The following SGCD variants were observed in gnomAD, a reference collection of about 807,000 sequenced individuals.
SGCD encodes sarcoglycan delta, also known as delta-sarcoglycan.
A neutral mutation model predicts 36.6 loss-of-function variants in SGCD; 18 were observed. The ratio of observed to expected loss-of-function variants is 0.49; its 90% confidence interval spans 0.34 to 0.73. The LOEUF is 0.73. Among genes scored for constraint, SGCD ranks in the 30% least tolerant of loss-of-function variants. The pLI is 0.01. For synonymous variants in SGCD, 133 were observed against 130.6 expected, an observed-to-expected ratio of 1.02 and a Z score of -0.12; for missense variants, 387 against 346.7, an observed-to-expected ratio of 1.12 and a Z score of -0.92.
At chr5:156,228,421 T>C (rs1199763300) in intron 3 of SGCD, among the ~76,000 whole-genome samples, 2 of 152,198 alleles carry the variant, frequency 1.3e-5, no homozygotes, top group Non-Finnish European at 2.9e-5. Flanking sequence ...AAACTGCTAT[T>C]GATTTAAAGT....
At chr5:155,923,184 A>G (rs1756923607) in intron 1 of SGCD, among the ~76,000 whole-genome samples, 1 of 152,186 alleles carries the variant, frequency 6.6e-6, no homozygotes, top group South Asian at 2.1e-4. Flanking sequence ...CAGGTTTTGA[A>G]CTTCTAGCCT....
At chr5:156,313,506 T>C (rs1165077172) in intron 3 of SGCD, among the ~76,000 whole-genome samples, 1 of 152,090 alleles carries the variant, frequency 6.6e-6, no homozygotes, top group East Asian at 1.9e-4. Flanking sequence ...GCTATGGTTA[T>C]ATGTAAATAT....
At chr5:156,509,008 T>A (rs1756824406) in intron 4 of SGCD, among the ~76,000 whole-genome samples, 1 of 152,208 alleles carries the variant, frequency 6.6e-6, no homozygotes, top group Non-Finnish European at 1.5e-5. Context: ...TGAATGCAGA[T>A]AATATTGCTG....
At position 156,595,181 on chromosome 5, in the gene SGCD, T is replaced by C. The variant is rs900518308; in HGVS notation, c.502+130T>C. 4.5e-6 allele frequency: 5 copies of C among 1,109,340 alleles called. No individual in the cohort carries two copies. The Admixed American group carries it at 1.3e-4, about 30-fold the overall frequency. The allele number at this position is 1,109,340 out of a possible 1,614,324, so 68.7% of individuals were successfully genotyped here. A position where few individuals can be genotyped will look rare whatever the true frequency, so the allele number is the denominator to read the frequency against. On this transcript the variant is annotated intron_variant, in intron 6 of 8. Transcript: ENST00000337851. ...ATCGAAATCCTAACTCCCAAGATAA[T>C]GGTATTAGGAGGTGGAGCCTTGAGG...
intron 3 of SGCD, among the ~76,000 whole-genome samples, chr5:156,279,621 G>A (rs1191131265): frequency 1.3e-5 from 2 of 152,064 alleles, no homozygotes; most frequent in Non-Finnish European, 1.5e-5. Context: ...CTCTTTTTTG[G>A]GGGAACAGTG....
intron 3 of SGCD, among the ~76,000 whole-genome samples, chr5:156,170,307 C>T (rs761324168): frequency 9.2e-5 from 14 of 152,018 alleles, no homozygotes; most frequent in Middle Eastern, 3.4e-3. Flanking sequence ...GTGTTGGGAG[C>T]CAGAAAAGGA....
intron 3 of SGCD, among the ~76,000 whole-genome samples, chr5:156,465,502 G>A (rs80038221): frequency 6.6e-5 from 10 of 152,200 alleles, no homozygotes; most frequent in East Asian, 1.9e-4. Flanking sequence ...AGACATCTCC[G>A]TAAGTACAAA....
At chr5:156,713,410 C>CG (rs879815469) in intron 7 of SGCD, among the ~76,000 whole-genome samples, 3,048 of 144,366 alleles carry the variant, frequency 0.021, 45 homozygotes, top group African/African-American at 0.049. Flanking sequence ...TTGAACATGT[C>CG]GGGGGGGGCG....
chr5:156,646,125 T>TG (rs752873000), intron 6 of SGCD, among the ~76,000 whole-genome samples: 44 of 152,164 alleles, frequency 2.9e-4, no homozygotes, highest in Non-Finnish European at 4.9e-4. Context: ...GTGGAACATA[T>TG]GGACCCCCAC....
intron 7 of SGCD, among the ~76,000 whole-genome samples, chr5:156,665,475 ATCT>A (rs1288265122): frequency 3.0e-4 from 46 of 152,020 alleles, no homozygotes; most frequent in African/African-American, 1.0e-3. Context: ...CTGAAATGCT[ATCT>A]TCTTCTGTTT....
At chr5:156,085,076 A>G (rs1056605611) in intron 1 of SGCD, among the ~76,000 whole-genome samples, 82 of 150,860 alleles carry the variant, frequency 5.4e-4, no homozygotes, top group African/African-American at 1.9e-3. Context: ...TTCTTTTTAC[A>G]TATTGTTGGA....
At chr5:156,620,425 C>T (rs116815336) in intron 6 of SGCD, among the ~76,000 whole-genome samples, 2,523 of 152,084 alleles carry the variant, frequency 0.017, 70 homozygotes, top group African/African-American at 0.057. Flanking sequence ...AAGCACATAC[C>T]CAGTGAAATA....
Position 156,060,646 on chromosome 5 carries a change from G to A in SGCD, c.-281-57232G>A, listed in dbSNP as rs563929309. 4.1e-5 allele frequency among the ~76,000 whole-genome samples: 6 copies of A among 145,918 alleles called. 1 individual carries two copies. The highest frequency in any genetic ancestry group is 7.1e-3 in the Middle Eastern group (2 of 280). On this transcript the variant is annotated intron_variant, in intron 1 of 9. Transcript: ENST00000517913. The stretch of plus-strand genomic sequence containing the variant: ...TATGTTGTTTTGTTGCATAGAAATA[G>A]GGTGTAAAGATGTTTGGAGGTGGGA...
chr5:155,814,120 C>A, the SGCD span, among the ~76,000 whole-genome samples: 1 of 152,328 alleles, frequency 6.6e-6, no homozygotes, highest in South Asian at 2.1e-4. Flanking sequence ...AGTCTTAAGG[C>A]CTCAGGTCTT....
chr5:156,523,851 C>T (rs1170623555), intron 4 of SGCD, among the ~76,000 whole-genome samples: 1 of 151,550 alleles, frequency 6.6e-6, no homozygotes, highest in Non-Finnish European at 1.5e-5. Context: ...AAGTACCTTG[C>T]AGGTGCAGTA....
chr5:156,276,108 C>T (rs1293760516), intron 3 of SGCD, among the ~76,000 whole-genome samples: 1 of 152,076 alleles, frequency 6.6e-6, no homozygotes, highest in Non-Finnish European at 1.5e-5. Flanking sequence ...AATGTCAAAC[C>T]TATACTGACA....
intron 7 of SGCD, among the ~76,000 whole-genome samples, chr5:156,731,583 T>C (rs1419178859): frequency 6.6e-6 from 1 of 150,390 alleles, no homozygotes; most frequent in African/African-American, 2.4e-5. Flanking sequence ...TTCTATTTTG[T>C]TCCATTGGTC....
At chr5:156,154,569 C>T (rs1250256774) in intron 3 of SGCD, among the ~76,000 whole-genome samples, 1 of 151,614 alleles carries the variant, frequency 6.6e-6, no homozygotes, top group East Asian at 1.9e-4. Flanking sequence ...ATGGTAATAG[C>T]CCTTACTGAA....
chr5:156,708,258 GT>G (rs1215019142), intron 7 of SGCD, among the ~76,000 whole-genome samples: 2 of 140,228 alleles, frequency 1.4e-5, no homozygotes, highest in Non-Finnish European at 3.1e-5. Flanking sequence ...TTGCCTTTTA[GT>G]TTTAAGAAAA....
Sources: allele counts gnomAD v4.1 joint callset (sites outside exome capture counted in the v4.1 genomes callset), GRCh38; gene constraint gnomAD v4.1.1; transcripts MANE v1.5; gene names NCBI Gene and HGNC (gene_info 2026-07-23, HGNC 2026-07-21).